MAEA: variants seen among roughly 807,000 people sequenced by gnomAD.
MAEA encodes macrophage erythroblast attacher, E3 ubiquitin ligase, also known as E3 ubiquitin-protein transferase MAEA.
A neutral mutation model predicts 46.2 loss-of-function variants in MAEA; 22 were observed. The ratio of observed to expected loss-of-function variants is 0.48; its 90% CI spans 0.34 to 0.68. The LOEUF (loss-of-function observed/expected upper bound fraction) is 0.68, where lower values mean the gene tolerates loss of function less well. Among genes scored for constraint, MAEA ranks in the 30% least tolerant of loss-of-function variants. The pLI is 0.01. For missense variants in MAEA, 393 were observed against 558.1 expected, an observed-to-expected ratio of 0.70 and a Z score of 2.98; for synonymous variants, 246 against 222.6, an observed-to-expected ratio of 1.11 and a Z score of -0.94.
At chr4:1,309,838 T>C in intron 1 of MAEA, 1 of 1,343,260 alleles carries the variant, frequency 7.4e-7, no homozygotes, top group Non-Finnish European at 9.6e-7. Flanking sequence ...TGCCCGGAGC[T>C]CTGCCCTGTG....
chr4:1,298,416 A>G (rs927095679), intron 1 of MAEA, among the ~76,000 whole-genome samples: 1 of 151,802 alleles, frequency 6.6e-6, no homozygotes, highest in African/African-American at 2.4e-5. Context: ...CTGGTTATCC[A>G]CGAAGAGGCA....
intron 1 of MAEA, among the ~76,000 whole-genome samples, chr4:1,297,693 C>T (rs969991519): frequency 2.6e-5 from 4 of 152,196 alleles, no homozygotes; most frequent in South Asian, 2.1e-4. Flanking sequence ...CCTTTGTCGT[C>T]GTTCACGTCA....
intron 1 of MAEA, among the ~76,000 whole-genome samples, chr4:1,303,007 C>A (rs1735471203): frequency 6.6e-6 from 1 of 151,946 alleles, no homozygotes; most frequent in Non-Finnish European, 1.5e-5. Flanking sequence ...AACAACCTGG[C>A]CGTTCTTCAG....
chr4:1,327,428 C>T (rs1738988088), intron 4 of MAEA, among the ~76,000 whole-genome samples, 199 bp from the exon 5 acceptor site: 1 of 152,256 alleles, frequency 6.6e-6, no homozygotes, highest in Non-Finnish European at 1.5e-5. Context: ...GACTCACATT[C>T]AGAACCCAGT....
intron 4 of MAEA, among the ~76,000 whole-genome samples, chr4:1,323,061 C>T (rs1418035726): frequency 1.4e-5 from 2 of 138,994 alleles, no homozygotes; most frequent in East Asian, 2.2e-4. Flanking sequence ...ATTCTCTTGC[C>T]TTGGCCTCCT....
chr4:1,290,311 G>T (rs1733971884), intron 1 of MAEA, among the ~76,000 whole-genome samples: 1 of 151,956 alleles, frequency 6.6e-6, no homozygotes, highest in Non-Finnish European at 1.5e-5. Flanking sequence ...GGGGTCTCTG[G>T]CGCCCAGGCA....
chr4:1,338,355 C>T, intron 7 of MAEA, 67 bp from the exon 8 acceptor site: 5 of 1,340,086 alleles, frequency 3.7e-6, no homozygotes, highest in Non-Finnish European at 5.2e-6. Flanking sequence ...GCAGAGTGGC[C>T]ACAGGGGGCT....
chr4:1,296,544 C>T (rs1216498268), intron 1 of MAEA, among the ~76,000 whole-genome samples: 2 of 143,174 alleles, frequency 1.4e-5, no homozygotes, highest in Non-Finnish European at 2.9e-5. Flanking sequence ...GCTGCTCCTG[C>T]ACTTGGTTCT....
At chr4:1,299,833 C>T (rs907878035) in intron 1 of MAEA, 1 of 152,296 alleles carries the variant, frequency 6.6e-6, no homozygotes, top group African/African-American at 2.4e-5. Flanking sequence ...GCAGCCCCAG[C>T]ATCTCCCACT....
chr4:1,292,395 G>C (rs1734182852), intron 1 of MAEA, among the ~76,000 whole-genome samples: 2 of 152,172 alleles, frequency 1.3e-5, no homozygotes, highest in South Asian at 4.1e-4. Flanking sequence ...GTGCCTGGCA[G>C]GTACTTATTT....
chr4:1,306,331 G>T (rs1254699611), intron 1 of MAEA, among the ~76,000 whole-genome samples: 1 of 152,124 alleles, frequency 6.6e-6, no homozygotes, highest in South Asian at 2.1e-4. Context: ...TGATGTTCCT[G>T]TTCAAACCTT....
chr4:1,297,748 C>T (rs1358838149), intron 1 of MAEA, among the ~76,000 whole-genome samples: 1 of 152,180 alleles, frequency 6.6e-6, no homozygotes, highest in Admixed American at 6.5e-5. Context: ...GGCTGTTGGC[C>T]GAACCAATTT....
intron 2 of MAEA, 27 bp downstream of exon 2, chr4:1,312,188 C>T: frequency 6.2e-7 from 1 of 1,612,812 alleles, no homozygotes; most frequent in Non-Finnish European, 8.5e-7. Flanking sequence ...GGTCCCTCTT[C>T]AGTCTGGGGC....
intron 5 of MAEA, chr4:1,329,036 G>A (rs1019186308): frequency 4.3e-5 from 42 of 985,706 alleles, no homozygotes; most frequent in South Asian, 1.4e-4. Context: ...GCCTCTGTCC[G>A]GCGGCAGTCT....
chr4:1,323,651 T>C, intron 4 of MAEA: 1 of 700,992 alleles, frequency 1.4e-6, no homozygotes, highest in Non-Finnish European at 2.6e-6. Flanking sequence ...AGCCCCACAC[T>C]CCCTCCCAGA....
chr4:1,308,782 G>A (rs986801893), intron 1 of MAEA, among the ~76,000 whole-genome samples: 7 of 152,194 alleles, frequency 4.6e-5, no homozygotes, highest in Non-Finnish European at 8.8e-5. Flanking sequence ...TGGAGTTGTA[G>A]GCGTTTTTAA....
chr4:1,303,074 G>A (rs1471013034), intron 1 of MAEA, among the ~76,000 whole-genome samples: 2 of 151,622 alleles, frequency 1.3e-5, no homozygotes, highest in African/African-American at 4.9e-5. Flanking sequence ...TTATCCCCAA[G>A]ACCAGTAGAA....
intron 1 of MAEA, chr4:1,299,850 C>G (rs1735145550): frequency 6.6e-6 from 1 of 152,250 alleles, no homozygotes; most frequent in Non-Finnish European, 1.5e-5. Context: ...CACTTCTGCC[C>G]TTTTCCCTCG....
At chr4:1,303,904 G>C (rs1735573042) in intron 1 of MAEA, among the ~76,000 whole-genome samples, 1 of 139,822 alleles carries the variant, frequency 7.2e-6, no homozygotes, top group Non-Finnish European at 1.5e-5. Flanking sequence ...GGCAGGGCAG[G>C]GTGGGGGTCG....
Sources: gnomAD v4.1 joint callset for allele counts (sites outside exome capture counted in the v4.1 genomes callset) on GRCh38, gnomAD v4.1.1 for gene constraint, MANE v1.5 for transcripts, NCBI Gene and HGNC (gene_info 2026-07-23, HGNC 2026-07-21) for gene names.